The following NDRG1 variants were observed in gnomAD, a reference collection of about 807,000 sequenced individuals.
The protein encoded by NDRG1 is protein NDRG1.
In NDRG1, 32 loss-of-function variants were observed where a neutral mutation model predicts 56.9. That is an observed-to-expected ratio of 0.56 (90% confidence interval 0.42 to 0.76). The LOEUF is 0.76. NDRG1 is among the 30% of genes least tolerant of loss of function. The pLI is 0.00. For missense variants in NDRG1, 507 were observed against 545.7 expected (o/e 0.93, Z 0.71); for synonymous variants, 211 against 204.1 (o/e 1.03, Z -0.29).
In NDRG1 at chr8:133,255,031, CCTTT is replaced by C. The variant is rs528916206; in HGVS notation, c.538-440_538-437del. The C allele has an allele frequency of 1.0e-3, 340 of 326,972 alleles. 1 individual carries two copies. The highest frequency in any genetic ancestry group is 8.9e-3 in the Middle Eastern group (8 of 898). The allele number at this position is 326,972 out of a possible 1,614,324, so 20.3% of individuals were successfully genotyped here. On this transcript the variant is annotated intron_variant, in intron 8 of 15. Transcript: ENST00000323851. Reference sequence around the variant, plus strand: ...CTCTCTCATCTCCAAGCCAGTTTCCCCTTTCTAAGTATACTGATATTACCAAAGA... The same window carrying C: ...CTCTCTCATCTCCAAGCCAGTTTCCCCTAAGTATACTGATATTACCAAAGA...
chr8:133,288,807 C>A (rs1858273583), intron 1 of NDRG1, among the ~76,000 whole-genome samples: 1 of 152,276 alleles, frequency 6.6e-6, no homozygotes, highest in Admixed American at 6.5e-5. Context: ...CATCTTTGCT[C>A]CCCAAGAAGC....
At chr8:133,287,498 G>A (rs545083063) in intron 1 of NDRG1, among the ~76,000 whole-genome samples, 7 of 152,224 alleles carry the variant, frequency 4.6e-5, no homozygotes, top group Non-Finnish European at 8.8e-5. Flanking sequence ...CTGCCCCCAC[G>A]GAGCTCACAG....
chr8:133,256,947 G>T, intron 7 of NDRG1, 84 bp from the exon 8 acceptor site: 2 of 1,329,220 alleles, frequency 1.5e-6, no homozygotes, highest in Non-Finnish European at 1.1e-6. Flanking sequence ...AAGCTTGAGA[G>T]AAGTACCCAG....
rs1185605822 is a variant in NDRG1 at position 133,260,516 on chromosome 8, G to GCTCAGGC, written c.327-1293_327-1287dup. On this transcript the variant is annotated intron_variant, in intron 5 of 15. Coordinates refer to ENST00000323851, the MANE Select transcript of NDRG1 (RefSeq NM_006096.4). ...CGGAATAAAAATTCCTGGGGGTGGG[G>GCTCAGGC]CTCAGGCCTCAGAATATTTGTAAAA... is the stretch of plus-strand genomic sequence containing the variant. Among the ~76,000 whole-genome samples, 4 of 152,294 alleles carry GCTCAGGC rather than the reference G, an allele frequency of 2.6e-5. No homozygotes were observed. In the East Asian group the frequency reaches 7.7e-4, roughly 29 times the overall value.
intron 10 of NDRG1, 43 bp from the exon 11 acceptor site, chr8:133,248,814 T>C: frequency 1.2e-6 from 2 of 1,611,744 alleles, no homozygotes. Context: ...ACCCCTCCCC[T>C]GGAGAAATCT....
rs1390985905 is a variant in NDRG1, at chr8:133,238,830, G to T, written c.*48C>A. The T allele has an allele frequency of 3.1e-5, 48 of 1,529,368 alleles. No homozygotes were observed. Among genetic ancestry groups the T allele is most frequent in the Non-Finnish European group, 3.8e-5 (43 of 1,141,420 alleles). The allele number at this position is 1,529,368 out of a possible 1,614,324, so 94.7% of individuals were successfully genotyped here. Reference sequence around the variant, plus strand: ...GGGCGAAAAGGGGCCGGGGAGGAGGGGGCCACTACAGAGATCAGAGTCCGG... The same window carrying T: ...GGGCGAAAAGGGGCCGGGGAGGAGGTGGCCACTACAGAGATCAGAGTCCGG... On this transcript the variant is annotated 3_prime_UTR_variant, in exon 16 of 16. Coordinates refer to ENST00000323851, the MANE Select transcript of NDRG1 (RefSeq NM_006096.4).
At position 133,248,769 on chromosome 8, in the gene NDRG1, C is replaced by T. The variant is rs755968590; in HGVS notation, c.701G>A (p.Arg234Gln). 8.1e-6 allele frequency: 13 copies of T among 1,614,028 alleles called. No homozygotes were observed. Among genetic ancestry groups the T allele is most frequent in the South Asian group, 2.2e-5 (2 of 91,082 alleles). Residue 234 changes from arginine to glutamine, a missense_variant and splice_region_variant, in exon 11 of 16, where the codon CGG becomes CAG. By Grantham distance (43) the Arg-to-Gln change is conservative. Transcript: ENST00000323851. ...LHLFINAYNSRRDLEIERPMP... is the reference protein window; with the variant it reads ...LHLFINAYNSQRDLEIERPMP... Reference sequence around the variant, plus strand: ...TGGTCGCTCAATCTCCAGGTCGCGCCGGCTGCAGGAAACAAATGCATCATT... The same window carrying T: ...TGGTCGCTCAATCTCCAGGTCGCGCTGGCTGCAGGAAACAAATGCATCATT...
At chr8:133,285,638 A>G (rs757964337) in intron 1 of NDRG1, among the ~76,000 whole-genome samples, 4 of 152,184 alleles carry the variant, frequency 2.6e-5, no homozygotes, top group Non-Finnish European at 5.9e-5. Flanking sequence ...CCCTTGTGCC[A>G]ACACATGGCA....
chr8:133,262,925 T>C (rs1289138021), intron 4 of NDRG1, among the ~76,000 whole-genome samples: 1 of 152,144 alleles, frequency 6.6e-6, no homozygotes, highest in African/African-American at 2.4e-5. Context: ...ACCCACAAGC[T>C]AGAAGGAGCC....
At chr8:133,255,826 G>A (rs1856338796) in intron 8 of NDRG1, 1 of 159,790 alleles carries the variant, frequency 6.3e-6, no homozygotes, top group African/African-American at 2.4e-5. Flanking sequence ...CAGCTTGAAA[G>A]ACTCTGTCCT....
intron 14 of NDRG1, among the ~76,000 whole-genome samples, chr8:133,243,955 C>T (rs188604505): frequency 7.2e-5 from 11 of 152,022 alleles, no homozygotes; most frequent in African/African-American, 1.9e-4. Context: ...CACACACAGA[C>T]GTGTACACAT....
At chr8:133,285,288 A>T (rs1858043658) in intron 1 of NDRG1, among the ~76,000 whole-genome samples, 1 of 152,196 alleles carries the variant, frequency 6.6e-6, no homozygotes, top group South Asian at 2.1e-4. Context: ...AAGCATAAAA[A>T]ATGCAGAATA....
intron 3 of NDRG1, among the ~76,000 whole-genome samples, chr8:133,276,744 T>C (rs1190696243): frequency 6.6e-6 from 1 of 152,262 alleles, no homozygotes; most frequent in Admixed American, 6.5e-5. Context: ...GTGAGTCCAT[T>C]AAACCTCTTT....
intron 13 of NDRG1, among the ~76,000 whole-genome samples, chr8:133,246,055 G>A (rs763061461): frequency 9.2e-5 from 14 of 152,348 alleles, no homozygotes; most frequent in African/African-American, 2.4e-4. Flanking sequence ...GGTGCACCCC[G>A]GCTGAGAGGC....
At position 133,246,791 on chromosome 8, in the gene NDRG1, G is replaced by A. The variant is rs1586413265; in HGVS notation, c.808-128C>T. 3.3e-6 allele frequency: 3 copies of A among 898,838 alleles called. No homozygotes were observed. The East Asian group carries it at 7.2e-5, about 22-fold the overall frequency. 55.7% of individuals were successfully genotyped at this position (898,838 alleles called of 1,614,324 possible). ...TTTCTGCTGGCAAAGAAGAAAGTAT[G>A]TGGAGTTATTGGGATTCAGCAGATG... is the stretch of plus-strand genomic sequence containing the variant. On this transcript the variant is annotated intron_variant, in intron 12 of 15. Transcript: ENST00000323851.
intron 2 of NDRG1, among the ~76,000 whole-genome samples, chr8:133,282,226 G>T (rs774550256): frequency 6.6e-6 from 1 of 152,170 alleles, no homozygotes; most frequent in African/African-American, 2.4e-5. Context: ...TGGACCCAGC[G>T]ATGCCACTTC....
At chr8:133,264,915 G>C in intron 3 of NDRG1, 1 of 520,548 alleles carries the variant, frequency 1.9e-6, no homozygotes, top group South Asian at 2.0e-5. Flanking sequence ...GAAAGGGCTT[G>C]CCCGCCACCA....
intron 8 of NDRG1, chr8:133,255,270 C>T (rs1446673409): frequency 2.2e-6 from 1 of 456,270 alleles, no homozygotes; most frequent in Non-Finnish European, 4.4e-6. Context: ...GTCTGCATAC[C>T]TCTGGGTCTC....
At chr8:133,264,709 G>T in intron 3 of NDRG1, 57 bp from the exon 4 acceptor site, 2 of 1,400,296 alleles carry the variant, frequency 1.4e-6, no homozygotes, top group East Asian at 2.3e-5. Flanking sequence ...CATCCGCGTG[G>T]CTGAAGACAG....
Sources: allele counts gnomAD v4.1 joint callset (sites outside exome capture counted in the v4.1 genomes callset), GRCh38; gene constraint gnomAD v4.1.1; transcripts MANE v1.5; gene names NCBI Gene and HGNC (gene_info 2026-07-23, HGNC 2026-07-21).